The following SHOX variants were observed in gnomAD, a reference collection of about 807,000 sequenced individuals.
SHOX encodes SHOX homeobox.
SHOX carries 12 observed loss-of-function variants against 29.6 expected under a neutral mutation model. The observed-to-expected ratio is 0.41, with a 90% confidence interval of 0.26 to 0.66. SHOX has a LOEUF of 0.66. Among genes scored for constraint, SHOX ranks in the 30% least tolerant of loss-of-function variants. The pLI is 0.35. For missense variants in SHOX, 499 were observed against 437.7 expected, an observed-to-expected ratio of 1.14 and a Z score of -1.25; for synonymous variants, 214 against 200.6, an observed-to-expected ratio of 1.07 and a Z score of -0.57.
rs1464428784 is a variant in SHOX, at chrX:645,026, C to G, written c.*390C>G. ...GAGTCTATTGAAACTGCAAAGATCC[C>G]GGAGCTGGTCTCCGATGAAAATGCC... is the stretch of plus-strand genomic sequence containing the variant. On this transcript the variant is annotated 3_prime_UTR_variant, in exon 5 of 5. Transcript: ENST00000686671. 4.9e-6 allele frequency: 1 copy of G among 202,822 alleles called. No individual in the cohort carries two copies. 12.6% of individuals were successfully genotyped at this position (202,822 alleles called of 1,614,324 possible). A position where few individuals can be genotyped will look rare whatever the true frequency, so the allele number is the denominator to read the frequency against.
At chrX:643,712 C>G (rs868674838) in intron 4 of SHOX, among the ~76,000 whole-genome samples, 5 of 82,870 alleles carry the variant, frequency 6.0e-5, no homozygotes, top group Admixed American at 1.2e-4. Flanking sequence ...GAGGCTTGGA[C>G]ACCTGGTGTC....
rs1249658202 is a variant in SHOX at position 634,348 on chromosome X, A to C, written c.278-270A>C. Among the ~76,000 whole-genome samples, 3 of 152,184 alleles carry C rather than the reference A, an allele frequency of 2.0e-5. 1 individual carries two copies. The highest frequency in any genetic ancestry group is 4.1e-4 in the South Asian group (2 of 4,834). On this transcript the variant is annotated intron_variant, in intron 1 of 4. Transcript: ENST00000686671. ...CCTTAAAAAAAAAAATAAGAAAAAA[A>C]GGTTAGGTTATGTCAACAGAGGTGA...
Position 634,745 on chromosome X carries a change from C to G in SHOX, c.405C>G (p.Leu135=). The part of the protein sequence containing the change: ...TLEQLNELER[L]FDETHYPDAF... ...AGCAGCTGAACGAGCTCGAGCGACT[C>G]TTCGACGAGACCCATTACCCCGACG... Residue 135 remains leucine, a synonymous_variant, in exon 2 of 5, where the codon CTC becomes CTG. Coordinates refer to ENST00000686671, the MANE Select transcript of SHOX (RefSeq NM_000451.4). 1.2e-6 allele frequency: 2 copies of G among 1,612,426 alleles called. No individual in the cohort carries two copies. Among genetic ancestry groups the G allele is most frequent in the Admixed American group, 3.3e-5 (2 of 59,752 alleles).
upstream of SHOX, among the ~76,000 whole-genome samples, chrX:626,874 G>C (rs1436591413): frequency 8.3e-5 from 10 of 120,096 alleles, no homozygotes; most frequent in Admixed American, 3.3e-4. Context: ...GTCTCTCTTT[G>C]TCTCTCTCCT....
rs768011866 is a variant in SHOX at position 638,420 on chromosome X, AG to A, written c.487-2399del. On this transcript the variant is annotated intron_variant, in intron 2 of 4. Coordinates refer to ENST00000686671, the MANE Select transcript of SHOX (RefSeq NM_000451.4). ...GCGGAGAGTCCAGGTGGGCATGGAG[AG>A]GCACAGTGGCAGGTCACCTGGATGG... 6.7e-3 allele frequency among the ~76,000 whole-genome samples: 1,011 copies of A among 152,008 alleles called. 5 individuals carry two copies. The highest frequency in any genetic ancestry group is 0.011 in the Non-Finnish European group (753 of 67,972).
chrX:650,045 G>A lies in SHOX; in HGVS notation c.*5409G>A. 1 of 455,592 alleles carries A rather than the reference G, an allele frequency of 2.2e-6. No homozygotes were observed. Among genetic ancestry groups the A allele is most frequent in the South Asian group, 1.6e-5 (1 of 64,426 alleles). 28.2% of individuals were successfully genotyped at this position (455,592 alleles called of 1,614,324 possible). A position where few individuals can be genotyped will look rare whatever the true frequency, so the allele number is the denominator to read the frequency against. ...CATACTTTGCAAAGGTGTGTTCCTGGCAATTGCCAAGAGTTAGAAAAATGC... is the reference window on the plus strand; with the variant it reads ...CATACTTTGCAAAGGTGTGTTCCTGACAATTGCCAAGAGTTAGAAAAATGC... On this transcript the variant is annotated 3_prime_UTR_variant, in exon 5 of 5. Coordinates refer to ENST00000686671, the MANE Select transcript of SHOX (RefSeq NM_000451.4).
In SHOX at chrX:650,606, C is replaced by G. The variant is rs1224891166; in HGVS notation, c.*5970C>G. On this transcript the variant is annotated 3_prime_UTR_variant, in exon 5 of 5. Transcript: ENST00000686671. ...TGACCTTTCTAACATTTGTTTTCCC[C>G]TAAGAACAAGCAGAAGCCTCCAGCT... 6.6e-6 allele frequency among the ~76,000 whole-genome samples: 1 copy of G among 151,532 alleles called. No individual in the cohort carries two copies. The highest frequency in any genetic ancestry group is 2.4e-5 in the African/African-American group (1 of 41,242).
At chrX:625,187 CCCTCCTCCTCCTCCTTCT>C (rs1299201043) in intron 1 of SHOX, among the ~76,000 whole-genome samples, 2 of 128,660 alleles carry the variant, frequency 1.6e-5, no homozygotes, top group Admixed American at 1.7e-4. Flanking sequence ...CCTTCATCGT[CCCTCCTCCTCCTCCTTCT>C]CCTCCTCCTC....
chrX:630,026 C>G (rs1227134795), upstream of SHOX, among the ~76,000 whole-genome samples: 1 of 152,010 alleles, frequency 6.6e-6, no homozygotes, highest in Non-Finnish European at 1.5e-5. Context: ...GGATCTGGCG[C>G]GGGCGGAAAG....
chrX:658,471 C>CTT (rs777890718), intron 5 of SHOX, among the ~76,000 whole-genome samples: 13 of 134,432 alleles, frequency 9.7e-5, no homozygotes, highest in African/African-American at 2.0e-4. Context: ...AAAAAGAACT[C>CTT]TTTTTTTTTT....
chrX:649,863 C>G lies in SHOX; in HGVS notation c.*5227C>G. ...GCAGTTGAGCAAAAAACACTTCTTC[C>G]TTTGAGTGGCTGTTCTGGTGAAATC... On this transcript the variant is annotated 3_prime_UTR_variant, in exon 5 of 5. Transcript: ENST00000686671. The G allele has an allele frequency of 2.2e-6, 1 of 455,210 alleles. No individual in the cohort carries two copies. Among genetic ancestry groups the G allele is most frequent in the Non-Finnish European group, 4.4e-6 (1 of 226,382 alleles). 28.2% of individuals were successfully genotyped at this position (455,210 alleles called of 1,614,324 possible). A position where few individuals can be genotyped will look rare whatever the true frequency, so the allele number is the denominator to read the frequency against.
chrX:657,867 G>C (rs746699764), intron 5 of SHOX, among the ~76,000 whole-genome samples: 2 of 152,288 alleles, frequency 1.3e-5, no homozygotes, highest in South Asian at 4.2e-4. Context: ...TTTATTTGAC[G>C]AGTGGAAGGG....
rs775914923 is a variant in SHOX, at chrX:640,886, T to C, written c.544+8T>C. 6.2e-7 allele frequency: 1 copy of C among 1,613,624 alleles called. No homozygotes were observed. Among genetic ancestry groups the C allele is most frequent in the Non-Finnish European group, 8.5e-7 (1 of 1,179,800 alleles). On this transcript the variant is annotated splice_region_variant and intron_variant, in intron 3 of 4. Transcript: ENST00000686671. The stretch of plus-strand genomic sequence containing the variant: ...AGAATCAGATGCATAAAGGTGGGTG[T>C]CGGGACTGGGGGGACCTGAAGCTGG...
Position 630,839 on chromosome X carries a change from C to A in SHOX, c.-59C>A, listed in dbSNP as rs2052633930. The stretch of plus-strand genomic sequence containing the variant: ...ACCCGCGCGCACGGGCCGTCCTCTC[C>A]GCGCGGGGAGACGCGCGCATCCACC... On this transcript the variant is annotated 5_prime_UTR_variant, in exon 1 of 5. Coordinates refer to ENST00000686671, the MANE Select transcript of SHOX (RefSeq NM_000451.4). 1.2e-6 allele frequency: 2 copies of A among 1,605,340 alleles called. No individual in the cohort carries two copies. The highest frequency in any genetic ancestry group is 1.7e-6 in the Non-Finnish European group (2 of 1,174,966).
chrX:652,930 T>A (rs2053088268), downstream of SHOX, among the ~76,000 whole-genome samples: 3 of 152,142 alleles, frequency 2.0e-5, no homozygotes, highest in African/African-American at 7.2e-5. Flanking sequence ...CACACAGTTA[T>A]TTCATGGTTA....
In SHOX at chrX:650,580, C is replaced by T. The variant is rs778431022; in HGVS notation, c.*5944C>T. On this transcript the variant is annotated 3_prime_UTR_variant, in exon 5 of 5. Coordinates refer to ENST00000686671, the MANE Select transcript of SHOX (RefSeq NM_000451.4). ...TCTGTCCTCGCCTCTGGGTTTCATG[C>T]TGACCTTTCTAACATTTGTTTTCCC... 2.0e-5 allele frequency among the ~76,000 whole-genome samples: 3 copies of T among 151,816 alleles called. No homozygotes were observed. The highest frequency in any genetic ancestry group is 6.6e-5 in the Admixed American group (1 of 15,210).
intron 2 of SHOX, among the ~76,000 whole-genome samples, chrX:635,108 T>C (rs28683770): frequency 0.35 from 52,678 of 151,834 alleles, 9,494 homozygotes; most frequent in South Asian, 0.5. Context: ...ATGGGTATAT[T>C]GTATATATTA....
In SHOX at chrX:633,543, A is replaced by G. The variant is rs1569493473; in HGVS notation, c.278-1075A>G. Among the ~76,000 whole-genome samples, 4 of 152,000 alleles carry G rather than the reference A, an allele frequency of 2.6e-5. No individual in the cohort carries two copies. The South Asian group carries it at 6.2e-4, about 24-fold the overall frequency. On this transcript the variant is annotated intron_variant, in intron 1 of 4. Transcript: ENST00000686671. ...AAGAAAGACAGAACAGGGTGCTAGT[A>G]TTTACCCCGTTCCCTGTAGACACCC... is the stretch of plus-strand genomic sequence containing the variant.
At chrX:658,049 A>C (rs756135369) in intron 5 of SHOX, among the ~76,000 whole-genome samples, 1 of 152,024 alleles carries the variant, frequency 6.6e-6, no homozygotes, top group African/African-American at 2.4e-5. Context: ...ATCTCGGCTC[A>C]CTGCAACCTC....
Sources: gnomAD v4.1 joint callset for allele counts (sites outside exome capture counted in the v4.1 genomes callset) on GRCh38, gnomAD v4.1.1 for gene constraint, MANE v1.5 for transcripts, NCBI Gene and HGNC (gene_info 2026-07-23, HGNC 2026-07-21) for gene names.